The following THSD4 variants were observed in gnomAD, a reference collection of about 807,000 sequenced individuals.
THSD4 encodes thrombospondin type 1 domain containing 4, also known as thrombospondin type-1 domain-containing protein 4.
A neutral mutation model predicts 119.0 loss-of-function variants in THSD4; 69 were observed. The observed-to-expected ratio is 0.58, with a 90% CI of 0.48 to 0.71. THSD4 has a LOEUF of 0.71. THSD4 is among the 30% of genes least tolerant of loss of function. The pLI is 0.00. For synonymous variants in THSD4, 524 were observed against 540.4 expected (o/e 0.97, Z 0.42); for missense variants, 1,393 against 1,391.1 (o/e 1.00, Z -0.02).
intron 3 of THSD4, among the ~76,000 whole-genome samples, chr15:71,191,832 C>T (rs557958415): frequency 9.9e-5 from 15 of 152,152 alleles, no homozygotes; most frequent in African/African-American, 3.6e-4. Flanking sequence ...TATATTTTTG[C>T]CCAAATCCTT....
intron 7 of THSD4, among the ~76,000 whole-genome samples, chr15:71,602,358 A>G (rs1460503220): frequency 6.6e-6 from 1 of 151,884 alleles, no homozygotes; most frequent in Non-Finnish European, 1.5e-5. Flanking sequence ...GTTCAAGACC[A>G]ACCTGACCAA....
At chr15:71,543,431 G>T (rs2048789258) in intron 7 of THSD4, among the ~76,000 whole-genome samples, 1 of 152,128 alleles carries the variant, frequency 6.6e-6, no homozygotes, top group Non-Finnish European at 1.5e-5. Context: ...CAGCAGGAAT[G>T]TGGGGCCATA....
chr15:71,531,211 A>T (rs2048605285), intron 7 of THSD4, among the ~76,000 whole-genome samples: 2 of 152,270 alleles, frequency 1.3e-5, no homozygotes, highest in East Asian at 3.9e-4. Context: ...GGGCCTGGCT[A>T]AGGACTTCTT....
intron 9 of THSD4, chr15:71,730,178 A>G (rs1238911377): frequency 6.6e-6 from 1 of 152,230 alleles, no homozygotes; most frequent in African/African-American, 2.4e-5. Context: ...TTCCCCAAGG[A>G]AGAAATCAAA....
chr15:71,683,191 G>A (rs1006597322), intron 8 of THSD4, among the ~76,000 whole-genome samples: 1 of 151,838 alleles, frequency 6.6e-6, no homozygotes, highest in Non-Finnish European at 1.5e-5. Context: ...CAAAGTGCTA[G>A]GATTACAGGT....
chr15:71,448,580 A>G (rs2047221314), intron 7 of THSD4, among the ~76,000 whole-genome samples: 1 of 152,214 alleles, frequency 6.6e-6, no homozygotes, highest in Non-Finnish European at 1.5e-5. Flanking sequence ...TTGTGGATAC[A>G]TAGTAGGTAT....
chr15:71,691,105 G>A (rs1006517546), intron 8 of THSD4, among the ~76,000 whole-genome samples: 57 of 152,214 alleles, frequency 3.7e-4, no homozygotes, highest in Admixed American at 8.5e-4. Context: ...GCTGAACTGC[G>A]GGCTTTGCAG....
intron 7 of THSD4, among the ~76,000 whole-genome samples, chr15:71,486,880 T>C (rs1047555629): frequency 6.6e-6 from 1 of 152,138 alleles, no homozygotes; most frequent in Non-Finnish European, 1.5e-5. Flanking sequence ...GAATTTGCCT[T>C]TTCGGGGTCC....
At chr15:71,567,596 A>ACAC (rs1555427622) in intron 7 of THSD4, among the ~76,000 whole-genome samples, 1 of 132,010 alleles carries the variant, frequency 7.6e-6, no homozygotes, top group Non-Finnish European at 1.6e-5. Context: ...GAACAAAGAC[A>ACAC]CCCCCCCACA....
chr15:71,404,841 CTCTT>C (rs869250383), intron 6 of THSD4, among the ~76,000 whole-genome samples: 2 of 151,794 alleles, frequency 1.3e-5, no homozygotes, highest in South Asian at 2.1e-4. Flanking sequence ...CTGTTGTCTT[CTCTT>C]TCTTTCTTTT....
intron 11 of THSD4, among the ~76,000 whole-genome samples, chr15:71,744,870 A>T: frequency 6.6e-6 from 1 of 152,142 alleles, no homozygotes; most frequent in African/African-American, 2.4e-5. Flanking sequence ...TAGATTATTG[A>T]TTCCTTTTAG....
intron 8 of THSD4, among the ~76,000 whole-genome samples, chr15:71,666,855 A>C (rs1020504274): frequency 6.6e-6 from 1 of 152,234 alleles, no homozygotes; most frequent in Non-Finnish European, 1.5e-5. Flanking sequence ...GGCCTAGCCT[A>C]CTAGACTCAG....
intron 6 of THSD4, among the ~76,000 whole-genome samples, chr15:71,401,889 T>C (rs910117533): frequency 2.0e-5 from 3 of 152,216 alleles, no homozygotes; most frequent in Non-Finnish European, 1.5e-5. Context: ...TAAGAAAATA[T>C]GGCACATATA....
intron 3 of THSD4, among the ~76,000 whole-genome samples, chr15:71,210,195 A>C (rs1320580559): frequency 6.6e-6 from 1 of 152,140 alleles, no homozygotes; most frequent in Non-Finnish European, 1.5e-5. Context: ...CTGGGTGCTC[A>C]TGAACTGTTA....
chr15:71,658,249 C>T lies in THSD4; in HGVS notation c.1153-2281C>T, dbSNP rs964263148. ...GGCAAACAAGATTCTTGACAAGTTC[C>T]GCTGAACTCTCCAGCCTCGTATTAT... On this transcript the variant is annotated intron_variant, in intron 7 of 17. Transcript: ENST00000261862. Among the ~76,000 whole-genome samples the T allele has an allele frequency of 3.9e-5, 6 of 152,190 alleles. No individual in the cohort carries two copies. In the East Asian group the frequency reaches 5.8e-4, roughly 15 times the overall value.
chr15:71,714,540 A>T (rs2052570664), intron 8 of THSD4, among the ~76,000 whole-genome samples: 1 of 152,142 alleles, frequency 6.6e-6, no homozygotes, highest in African/African-American at 2.4e-5. Flanking sequence ...TTGCCTTGGC[A>T]TTTTCTTTTC....
At chr15:71,585,508 C>G (rs2049647989) in intron 7 of THSD4, among the ~76,000 whole-genome samples, 1 of 152,142 alleles carries the variant, frequency 6.6e-6, no homozygotes, top group African/African-American at 2.4e-5. Flanking sequence ...TGAAAATTCT[C>G]TCTTTGTATT....
chr15:71,683,000 A>T (rs1484588682), intron 8 of THSD4, among the ~76,000 whole-genome samples: 1 of 141,160 alleles, frequency 7.1e-6, no homozygotes, highest in East Asian at 2.1e-4. Flanking sequence ...GGCTCACTGC[A>T]GCCTCAACCC....
intron 6 of THSD4, among the ~76,000 whole-genome samples, chr15:71,395,609 T>C (rs1039562125): frequency 6.6e-6 from 1 of 151,954 alleles, no homozygotes; most frequent in Non-Finnish European, 1.5e-5. Flanking sequence ...GGCATGATGG[T>C]GCATGCCTAT....
Sources: gnomAD v4.1 joint callset for allele counts (sites outside exome capture counted in the v4.1 genomes callset) on GRCh38, gnomAD v4.1.1 for gene constraint, MANE v1.5 for transcripts, NCBI Gene and HGNC (gene_info 2026-07-23, HGNC 2026-07-21) for gene names.